The following CACNA1B variants were observed in gnomAD, a reference collection of about 807,000 sequenced individuals.
CACNA1B encodes the protein calcium voltage-gated channel subunit alpha1 B.
In CACNA1B, 70 loss-of-function variants were observed where a neutral mutation model predicts 247.2. That is an observed-to-expected ratio of 0.28 (90% CI 0.23 to 0.35). The LOEUF (loss-of-function observed/expected upper bound fraction) is 0.35, where lower values mean the gene tolerates loss of function less well. Among genes scored for constraint, CACNA1B ranks in the 10% least tolerant of loss-of-function variants. The pLI is 1.00. For missense variants in CACNA1B, 2,367 were observed against 3,197.4 expected (o/e 0.74, Z 6.26); for synonymous variants, 1,231 against 1,294.4 (o/e 0.95, Z 1.05).
chr9:137,917,375 A>G lies in CACNA1B; in HGVS notation c.910A>G (p.Ile304Val). The change falls in exon 6 of 47, where the codon ATC becomes GTC. Residue 304 changes from isoleucine to valine, a missense_variant. Transcript: ENST00000371372. This position sits in a 1 kb window ranked among gnomAD's most constrained non-coding sequence, Gnocchi z 5.5. The part of the protein sequence containing the change: ...ITNFDNILFA[I>V]LTVFQCITME... ...CAACTTTGACAATATCCTGTTTGCC[A>G]TCTTGACGGTGTTCCAGTGCATCAC... 2 of 1,613,990 alleles carry G rather than the reference A, an allele frequency of 1.2e-6. No individual in the cohort carries two copies. The highest frequency in any genetic ancestry group is 2.2e-5 in the South Asian group (2 of 91,090).
intron 3 of CACNA1B, among the ~76,000 whole-genome samples, chr9:137,909,693 G>A (rs1957339359): frequency 6.6e-6 from 1 of 152,124 alleles, no homozygotes; most frequent in Admixed American, 6.5e-5. Context: ...ATTGAGTCCT[G>A]CTTTCAATTC....
chr9:137,988,311 GCAGGTGTGGGATGGGAAACTC>G (rs1437760298), intron 15 of CACNA1B, among the ~76,000 whole-genome samples: 1 of 152,210 alleles, frequency 6.6e-6, no homozygotes, highest in Admixed American at 6.5e-5. Flanking sequence ...CGACAAGGTG[GCAGGTGTGGGATGGGAAACTC>G]CAGGTGTGGG....
At chr9:137,970,780 G>A (rs1958136777) in intron 10 of CACNA1B, among the ~76,000 whole-genome samples, 1 of 152,228 alleles carries the variant, frequency 6.6e-6, no homozygotes, top group Non-Finnish European at 1.5e-5. Context: ...GCTGGGTTGG[G>A]TGGTGAGCAG....
In CACNA1B at chr9:137,986,299, G is replaced by A. The variant is rs902302719; in HGVS notation, c.1770-114G>A. The A allele has an allele frequency of 1.8e-5, 20 of 1,139,142 alleles. No homozygotes were observed. In the African/African-American group the frequency reaches 2.6e-4, roughly 15 times the overall value. 70.6% of individuals were successfully genotyped at this position (1,139,142 alleles called of 1,614,324 possible). A position where few individuals can be genotyped will look rare whatever the true frequency, so the allele number is the denominator to read the frequency against. On this transcript the variant is annotated intron_variant, in intron 13 of 46. Coordinates refer to ENST00000371372, the MANE Select transcript of CACNA1B (RefSeq NM_000718.4). This position sits in a 1 kb window ranked among gnomAD's most constrained non-coding sequence, Gnocchi z 6.0. ...AGAAAAGCTCTAACTTCACACCTAG[G>A]TGTGCAGCCCTCAGGGTTTAGAAAG...
At position 138,025,081 on chromosome 9, in the gene CACNA1B, T is replaced by A; in HGVS notation, c.3195T>A (p.Thr1065=). ...PEDADNQRNV[T]RMGSQPPDPN... is the part of the protein sequence containing the mutation. ...ATGCAGACAATCAGCGGAACGTCAC[T>A]CGCATGGGCAGTCAGCCCCCAGACC... The change falls in exon 20 of 47, where the codon ACT becomes ACA. Residue 1065 remains threonine (T), a synonymous_variant. Coordinates refer to ENST00000371372, the MANE Select transcript of CACNA1B (RefSeq NM_000718.4). 2 of 1,613,234 alleles carry A rather than the reference T, an allele frequency of 1.2e-6. No homozygotes were observed. The highest frequency in any genetic ancestry group is 1.7e-6 in the Non-Finnish European group (2 of 1,179,598).
At chr9:138,045,527 C>T (rs1308807703) in intron 21 of CACNA1B, among the ~76,000 whole-genome samples, 1 of 152,182 alleles carries the variant, frequency 6.6e-6, no homozygotes. Flanking sequence ...GGATGTCTGA[C>T]TGAAACCCAG....
chr9:137,982,353 G>A (rs1212955047), intron 12 of CACNA1B, among the ~76,000 whole-genome samples: 1 of 152,290 alleles, frequency 6.6e-6, no homozygotes, highest in East Asian at 1.9e-4. Context: ...CCCAGCTGCC[G>A]GAGTGTCCTT....
intron 3 of CACNA1B, chr9:137,890,131 CAG>C (rs1465466680): frequency 1.3e-5 from 2 of 149,796 alleles, no homozygotes; most frequent in Non-Finnish European, 3.0e-5. Context: ...AGCCCAAATC[CAG>C]AGACTCCCTG....
chr9:137,973,551 T>C lies in CACNA1B; in HGVS notation c.1543+1959T>C, dbSNP rs1958181889. On this transcript the variant is annotated intron_variant, in intron 11 of 46. Transcript: ENST00000371372. The surrounding 1 kb of genome is among the most constrained non-coding windows in gnomAD (Gnocchi z 4.1). ...GAGCCCCTGGGGGGCCTTATGCAGC[T>C]CACCAGACTTGCTCACCCTCCCTCT... 6.6e-6 allele frequency among the ~76,000 whole-genome samples: 1 copy of C among 152,162 alleles called. No individual in the cohort carries two copies. Among genetic ancestry groups the C allele is most frequent in the Admixed American group, 6.5e-5 (1 of 15,272 alleles).
chr9:138,110,975 AT>A (rs1419477110), intron 39 of CACNA1B, among the ~76,000 whole-genome samples: 1 of 144,020 alleles, frequency 6.9e-6, no homozygotes, highest in Non-Finnish European at 1.6e-5. Context: ...CAAATCCAGA[AT>A]TTAAAAAAAA....
chr9:138,116,850 G>A (rs549264791), intron 42 of CACNA1B, among the ~76,000 whole-genome samples: 1 of 152,326 alleles, frequency 6.6e-6, no homozygotes, highest in South Asian at 2.1e-4. Context: ...CTCTGTGCCT[G>A]GTGCCAGCAG....
rs944817426 is a variant in CACNA1B at position 138,023,036 on chromosome 9, C to T, written c.2293C>T (p.Arg765Cys). ...CAGGCAGCAGAACTCGGCCAAGGCG[C>T]GCTCGGTGTGGGAGCAGCGGGCCAG... Reference protein sequence around the residue: ...AARQQNSAKARSVWEQRASQL... With the variant: ...AARQQNSAKACSVWEQRASQL... Residue 765 changes from arginine to cysteine, a missense_variant, in exon 19 of 47, where the codon CGC becomes TGC. By Grantham distance (180) the Arg-to-Cys change is radical. This residue lies in a region of CACNA1B where 631 missense variants were observed against 631.1 expected (regional missense o/e 1.00). Transcript: ENST00000371372. The T allele has an allele frequency of 2.6e-6, 4 of 1,524,030 alleles. No homozygotes were observed. Among genetic ancestry groups the T allele is most frequent in the South Asian group, 1.2e-5 (1 of 83,150 alleles). 94.4% of individuals were successfully genotyped at this position (1,524,030 alleles called of 1,614,324 possible). A position where few individuals can be genotyped will look rare whatever the true frequency, so the allele number is the denominator to read the frequency against.
At chr9:138,033,935 G>A (rs1381396294) in intron 20 of CACNA1B, among the ~76,000 whole-genome samples, 1 of 152,200 alleles carries the variant, frequency 6.6e-6, no homozygotes, top group Non-Finnish European at 1.5e-5. Context: ...GGGTTGTAGA[G>A]AGTTGCCCCA....
Position 138,007,230 on chromosome 9 carries a change from A to C in CACNA1B, c.2092+346A>C, listed in dbSNP as rs1439215900. Among the ~76,000 whole-genome samples the C allele has an allele frequency of 1.3e-5, 2 of 152,130 alleles. No individual in the cohort carries two copies. Among genetic ancestry groups the C allele is most frequent in the Non-Finnish European group, 2.9e-5 (2 of 68,018 alleles). On this transcript the variant is annotated intron_variant, in intron 16 of 46. Transcript: ENST00000371372. The surrounding 1 kb of genome is among the most constrained non-coding windows in gnomAD (Gnocchi z 4.1). ...TTCACTTTGATTTAATTGTGTACTT[A>C]GGTTTTGGCACTGGGCTTTAAAAAG... is the stretch of plus-strand genomic sequence containing the variant.
At chr9:138,005,208 A>G (rs1300142681) in intron 15 of CACNA1B, among the ~76,000 whole-genome samples, 1 of 152,242 alleles carries the variant, frequency 6.6e-6, no homozygotes, top group Admixed American at 6.5e-5. Context: ...AAGATAAGGG[A>G]TCAGCCTAAG....
chr9:138,057,461 C>T lies in CACNA1B; in HGVS notation c.3969-271C>T, dbSNP rs566863536. On this transcript the variant is annotated intron_variant, in intron 26 of 46. Coordinates refer to ENST00000371372, the MANE Select transcript of CACNA1B (RefSeq NM_000718.4). The surrounding 1 kb of genome is among the most constrained non-coding windows in gnomAD (Gnocchi z 4.0). Reference sequence around the variant, plus strand: ...ACATCTAAGGCTCCATTCCCAGATTCGAGGTCACGAAGTTTTGCCCCCGTT... The same window carrying T: ...ACATCTAAGGCTCCATTCCCAGATTTGAGGTCACGAAGTTTTGCCCCCGTT... Among the ~76,000 whole-genome samples the T allele has an allele frequency of 5.9e-5, 9 of 152,248 alleles. No homozygotes were observed. The highest frequency in any genetic ancestry group is 1.9e-4 in the African/African-American group (8 of 41,534).
intron 3 of CACNA1B, among the ~76,000 whole-genome samples, chr9:137,894,302 A>ATTTTTTTTTTTTTTT (rs56794355): frequency 3.1e-5 from 3 of 96,068 alleles, no homozygotes; most frequent in Non-Finnish European, 4.5e-5. Context: ...TTGTCTCTGT[A>ATTTTTTTTTTTTTTT]TTTTTTTTTT....
At chr9:138,091,058 A>G (rs144659978) in intron 36 of CACNA1B, among the ~76,000 whole-genome samples, 2 of 152,336 alleles carry the variant, frequency 1.3e-5, no homozygotes, top group East Asian at 3.9e-4. Flanking sequence ...ACGGAGGGAA[A>G]TCAATTATGT....
At chr9:137,944,040 G>A (rs150747968) in intron 6 of CACNA1B, among the ~76,000 whole-genome samples, 121 of 152,332 alleles carry the variant, frequency 7.9e-4, no homozygotes, top group African/African-American at 2.7e-3. Flanking sequence ...TCCTCTACAG[G>A]CTGGCATTGT....
Sources: allele counts gnomAD v4.1 joint callset (sites outside exome capture counted in the v4.1 genomes callset), GRCh38; gene constraint gnomAD v4.1.1; regional missense constraint gnomAD v4.1.1; non-coding constraint Gnocchi (gnomAD v3.1); transcripts MANE v1.5; gene names NCBI Gene and HGNC (gene_info 2026-07-23, HGNC 2026-07-21).